Variants in B4GALNT3 observed in about 807,000 individuals in gnomAD.
B4GALNT3 encodes the protein beta-1,4-N-acetyl-galactosaminyltransferase 3, also known as beta-1,4-N-acetylgalactosaminyltransferase 3.
In B4GALNT3, 86 loss-of-function variants were observed where a neutral mutation model predicts 120.2. That is an observed-to-expected ratio of 0.72 (90% CI 0.60 to 0.86). The LOEUF (loss-of-function observed/expected upper bound fraction) is 0.86, where lower values mean the gene tolerates loss of function less well. B4GALNT3 is among the 40% of genes least tolerant of loss of function. B4GALNT3 has a pLI of 0.00. For synonymous variants in B4GALNT3, 518 were observed against 510.4 expected (o/e 1.01, Z -0.20); for missense variants, 1,167 against 1,298.9 (o/e 0.90, Z 1.56).
At chr12:479,795 G>A (rs1202526587) in intron 1 of B4GALNT3, among the ~76,000 whole-genome samples, 8 of 151,430 alleles carry the variant, frequency 5.3e-5, no homozygotes, top group South Asian at 2.1e-4. Context: ...TTTAGTGGTC[G>A]GGTGATTTCT....
Position 552,254 on chromosome 12 carries a change from C to A in B4GALNT3, c.1208+91C>A, listed in dbSNP as rs557940467. 13 of 1,171,490 alleles carry A rather than the reference C, an allele frequency of 1.1e-5. No homozygotes were observed. In the Admixed American group the frequency reaches 2.3e-4, roughly 21 times the overall value. 72.6% of individuals were successfully genotyped at this position (1,171,490 alleles called of 1,614,324 possible). ...GCCTGGACCAGGGTGATGGTGGCAC[C>A]CCAGCCCAAAGTCTTTGCTCTTGCT... is the stretch of plus-strand genomic sequence containing the variant. On this transcript the variant is annotated intron_variant, in intron 12 of 19. Coordinates refer to ENST00000266383, the MANE Select transcript of B4GALNT3 (RefSeq NM_173593.4).
chr12:487,920 C>T (rs1946305651), intron 1 of B4GALNT3, among the ~76,000 whole-genome samples: 1 of 152,108 alleles, frequency 6.6e-6, no homozygotes, highest in Non-Finnish European at 1.5e-5. Flanking sequence ...CATTGCACTC[C>T]AGCTTGGGCA....
intron 1 of B4GALNT3, among the ~76,000 whole-genome samples, chr12:484,813 AAC>A (rs1946275074): frequency 6.7e-6 from 1 of 149,650 alleles, no homozygotes; most frequent in African/African-American, 2.5e-5. Flanking sequence ...AAAAAAAAAA[AAC>A]CACTCGTTTT....
chr12:522,155 T>TA lies in B4GALNT3; in HGVS notation c.170-13004dup, dbSNP rs1194454761. Among the ~76,000 whole-genome samples, 4 of 152,012 alleles carry TA rather than the reference T, an allele frequency of 2.6e-5. No individual in the cohort carries two copies. The East Asian group carries it at 7.7e-4, about 29-fold the overall frequency. On this transcript the variant is annotated intron_variant, in intron 1 of 19. Coordinates refer to ENST00000266383, the MANE Select transcript of B4GALNT3 (RefSeq NM_173593.4). Reference sequence around the variant, plus strand: ...CAGCACCTGCTCCTTGTGTGCAGTTTAAAAAAATGTGCCTTCCAAGAGCAT... The same window carrying TA: ...CAGCACCTGCTCCTTGTGTGCAGTTTAAAAAAAATGTGCCTTCCAAGAGCAT...
At chr12:467,252 T>C (rs1255821914) in intron 1 of B4GALNT3, among the ~76,000 whole-genome samples, 1 of 152,144 alleles carries the variant, frequency 6.6e-6, no homozygotes, top group Non-Finnish European at 1.5e-5. Context: ...TAAAATGATA[T>C]TCTTTATGAT....
intron 1 of B4GALNT3, among the ~76,000 whole-genome samples, chr12:485,378 A>G (rs1592017315): frequency 1.3e-5 from 2 of 152,362 alleles, no homozygotes; most frequent in East Asian, 3.9e-4. Flanking sequence ...TGAATGGTAG[A>G]TTAATCACTT....
At chr12:504,887 A>G (rs1208505300) in intron 1 of B4GALNT3, among the ~76,000 whole-genome samples, 1 of 149,314 alleles carries the variant, frequency 6.7e-6, no homozygotes. Context: ...AAAAGAATTC[A>G]TCACAGGTTT....
intron 6 of B4GALNT3, among the ~76,000 whole-genome samples, 183 bp from the exon 7 acceptor site, chr12:546,463 G>A (rs1035545121): frequency 6.6e-6 from 1 of 152,062 alleles, no homozygotes; most frequent in Non-Finnish European, 1.5e-5. Context: ...TGCCTCCTGC[G>A]TGGGCAACGC....
rs543574094 is a variant in B4GALNT3, at chr12:460,641, C to G, written c.169+96C>G. 7.9e-6 allele frequency: 9 copies of G among 1,142,626 alleles called. No individual in the cohort carries two copies. Among genetic ancestry groups the G allele is most frequent in the Admixed American group, 4.1e-5 (1 of 24,370 alleles). 70.8% of individuals were successfully genotyped at this position (1,142,626 alleles called of 1,614,324 possible). ...CCGCCTCTCATCCCATCCTCAGACC[C>G]GATTTCCCACCCATTTCTCCCTCAG... On this transcript the variant is annotated intron_variant, in intron 1 of 19. Transcript: ENST00000266383. This position sits in a 1 kb window ranked among gnomAD's most constrained non-coding sequence, Gnocchi z 8.0.
At chr12:501,540 C>A (rs1946445209) in intron 1 of B4GALNT3, among the ~76,000 whole-genome samples, 1 of 152,056 alleles carries the variant, frequency 6.6e-6, no homozygotes, top group African/African-American at 2.4e-5. Flanking sequence ...ATGTTTGCAC[C>A]ACTGCACTCC....
chr12:535,669 C>G (rs964656136), intron 2 of B4GALNT3, among the ~76,000 whole-genome samples: 1 of 152,178 alleles, frequency 6.6e-6, no homozygotes, highest in East Asian at 1.9e-4. Context: ...GATGGACACC[C>G]CTCCCTGCCC....
chr12:486,289 A>T (rs1946290613), intron 1 of B4GALNT3, among the ~76,000 whole-genome samples: 1 of 144,694 alleles, frequency 6.9e-6, no homozygotes. Flanking sequence ...GGCTCACTGC[A>T]ACCTCCACCC....
intron 19 of B4GALNT3, among the ~76,000 whole-genome samples, chr12:560,260 A>G (rs1322088340): frequency 6.6e-6 from 1 of 152,180 alleles, no homozygotes; most frequent in Non-Finnish European, 1.5e-5. Context: ...GGTCAGGAGC[A>G]CTGGGGGCGG....
chr12:466,417 A>T (rs1443409468), intron 1 of B4GALNT3, among the ~76,000 whole-genome samples: 1 of 152,142 alleles, frequency 6.6e-6, no homozygotes, highest in African/African-American at 2.4e-5. Context: ...CTCAAAAACT[A>T]CGCTTTTATT....
chr12:485,633 A>G (rs1946283691), intron 1 of B4GALNT3, among the ~76,000 whole-genome samples: 1 of 152,238 alleles, frequency 6.6e-6, no homozygotes, highest in African/African-American at 2.4e-5. Flanking sequence ...TTGCCTAGGA[A>G]GCTTAAAAAA....
chr12:559,330 A>G lies in B4GALNT3; in HGVS notation c.2797A>G (p.Ile933Val). 1 of 1,614,022 alleles carries G rather than the reference A, an allele frequency of 6.2e-7. No individual in the cohort carries two copies. The highest frequency in any genetic ancestry group is 8.5e-7 in the Non-Finnish European group (1 of 1,179,952). ...WEVNGFGLLGIYKSDLDRIGG... is the reference protein window; with the variant it reads ...WEVNGFGLLGVYKSDLDRIGG... ...GGTGAATGGGTTCGGGCTGCTTGGC[A>G]TCTACAAGTCTGACCTGGACAGGAT... The change falls in exon 19 of 20, where the codon ATC becomes GTC. Residue 933 changes from isoleucine to valine, a missense_variant. Physicochemically the swap from Ile to Val is conservative, Grantham distance 29 (BLOSUM62 3). Coordinates refer to ENST00000266383, the MANE Select transcript of B4GALNT3 (RefSeq NM_173593.4).
At chr12:533,399 C>G (rs879529923) in intron 1 of B4GALNT3, among the ~76,000 whole-genome samples, 2 of 152,218 alleles carry the variant, frequency 1.3e-5, no homozygotes, top group African/African-American at 4.8e-5. Flanking sequence ...GCTGGGCCAG[C>G]CTGGAAACAG....
chr12:528,439 T>A (rs1425414329), intron 1 of B4GALNT3, among the ~76,000 whole-genome samples: 1 of 152,232 alleles, frequency 6.6e-6, no homozygotes, highest in Admixed American at 6.5e-5. Flanking sequence ...AATATACATA[T>A]AACAGGCATA....
At chr12:528,584 C>G (rs1346027909) in intron 1 of B4GALNT3, among the ~76,000 whole-genome samples, 1 of 152,232 alleles carries the variant, frequency 6.6e-6, no homozygotes, top group African/African-American at 2.4e-5. Context: ...CTGGCTCTGC[C>G]ATTGGAGCAT....
Sources: gnomAD v4.1 joint callset for allele counts (sites outside exome capture counted in the v4.1 genomes callset) on GRCh38, gnomAD v4.1.1 for gene constraint, Gnocchi (gnomAD v3.1) non-coding constraint, MANE v1.5 for transcripts, NCBI Gene and HGNC (gene_info 2026-07-23, HGNC 2026-07-21) for gene names.